SCARF2: variants seen among roughly 807,000 people sequenced by gnomAD.
The protein encoded by SCARF2 is scavenger receptor class F member 2.
In SCARF2, 39 loss-of-function variants were observed where a neutral mutation model predicts 73.4. The ratio of observed to expected loss-of-function variants is 0.53; its 90% CI spans 0.41 to 0.69. The LOEUF is 0.69. SCARF2 is among the 30% of genes least tolerant of loss of function. The pLI, the probability that SCARF2 is intolerant of heterozygous loss-of-function variation, is 0.00. For missense variants in SCARF2, 1,148 were observed against 1,303.5 expected, an observed-to-expected ratio of 0.88 and a Z score of 1.84; for synonymous variants, 605 against 590.0, an observed-to-expected ratio of 1.03 and a Z score of -0.37.
intron 1 of SCARF2, 144 bp from the exon 2 acceptor site, chr22:20,432,132 G>C: frequency 1.2e-6 from 1 of 861,478 alleles, no homozygotes; most frequent in Non-Finnish European, 1.9e-6. Context: ...GGTCCTGCCA[G>C]GCAGTCGTCT....
rs779856038 is a variant in SCARF2, at chr22:20,427,393, CT to C, written c.1693+4del. ...GGAGTGATGCCCAGGTAGGGCCTTA[CT>C]TACCCTCATGGGGTACACAGTACAC... On this transcript the variant is annotated splice_donor_region_variant and intron_variant, in intron 10 of 10. Transcript: ENST00000622235. 4.3e-6 allele frequency: 7 copies of C among 1,614,138 alleles called. No homozygotes were observed. Among genetic ancestry groups the C allele is most frequent in the Non-Finnish European group, 8.5e-7 (1 of 1,180,002 alleles).
At position 20,426,044 on chromosome 22, in the gene SCARF2, C is replaced by G. The variant is rs1390037708; in HGVS notation, c.1932G>C (p.Ser644=). ...TCCTGCGCTCGGGCGATGGCGACAG[C>G]GACAGGCCCCCAATCTCGCCCCGGG... The part of the protein sequence containing the change: ...ARARGEIGGL[S]LSPSPERRKP... The change falls in exon 11 of 11, where the codon TCG becomes TCC. Residue 644 remains serine (S), a synonymous_variant. Transcript: ENST00000622235. 5.8e-5 allele frequency: 92 copies of G among 1,575,258 alleles called. No individual in the cohort carries two copies. Among genetic ancestry groups the G allele is most frequent in the Non-Finnish European group, 7.7e-5 (90 of 1,169,410 alleles).
At chr22:20,426,455 C>T (rs1375782052) in intron 10 of SCARF2, among the ~76,000 whole-genome samples, 173 bp from the exon 11 acceptor site, 2 of 152,266 alleles carry the variant, frequency 1.3e-5, no homozygotes, top group African/African-American at 4.8e-5. Flanking sequence ...ACTTCAGAGC[C>T]TCAGGCTATG....
intron 2 of SCARF2, 40 bp from the exon 3 acceptor site, chr22:20,431,886 C>CGGGG: frequency 7.6e-7 from 1 of 1,312,158 alleles, no homozygotes; most frequent in Non-Finnish European, 1.1e-6. Context: ...GCGTCCTAGC[C>CGGGG]CCGCCCCCTC....
chr22:20,430,746 G>A lies in SCARF2; in HGVS notation c.1017C>T (p.Ala339=), dbSNP rs772033073. The change falls in exon 5 of 11, where the codon GCC becomes GCT. Residue 339 remains alanine, a synonymous_variant. Coordinates refer to ENST00000622235, the MANE Select transcript of SCARF2 (RefSeq NM_182895.5). ...TACACTTGCCGGTGACATGGTTACA[G>A]GCATGCCCGTCGCGGCATGGCGGAC... ...HRCPPCRDGH[A]CNHVTGKCTR... The A allele has an allele frequency of 6.2e-7, 1 of 1,607,956 alleles. No homozygotes were observed. The highest frequency in any genetic ancestry group is 8.5e-7 in the Non-Finnish European group (1 of 1,177,840).
At chr22:20,431,647 G>T (rs1349586931) in intron 3 of SCARF2, 98 bp downstream of exon 3, 2 of 1,538,090 alleles carry the variant, frequency 1.3e-6, no homozygotes, top group Non-Finnish European at 1.8e-6. Context: ...CTGGGGACCC[G>T]CCCCGAAGGC....
chr22:20,434,964 C>A (rs967977841), intron 1 of SCARF2, among the ~76,000 whole-genome samples: 1 of 152,184 alleles, frequency 6.6e-6, no homozygotes, highest in Admixed American at 6.5e-5. Flanking sequence ...TCTCTTGTGT[C>A]CACACTAGCT....
rs550852559 is a variant in SCARF2 at position 20,426,369 on chromosome 22, C to T, written c.1694-87G>A. On this transcript the variant is annotated intron_variant, in intron 10 of 10. Coordinates refer to ENST00000622235, the MANE Select transcript of SCARF2 (RefSeq NM_182895.5). ...CAGGCGCAAACCTTCACCTTTCCTCCTCTACCCACGCCCTTGGCACTGTGT... is the reference window on the plus strand; with the variant it reads ...CAGGCGCAAACCTTCACCTTTCCTCTTCTACCCACGCCCTTGGCACTGTGT... 67 of 1,433,292 alleles carry T rather than the reference C, an allele frequency of 4.7e-5. No individual in the cohort carries two copies. The African/African-American group carries it at 8.0e-4, about 17-fold the overall frequency. 88.8% of individuals were successfully genotyped at this position (1,433,292 alleles called of 1,614,324 possible). A position where few individuals can be genotyped will look rare whatever the true frequency, so the allele number is the denominator to read the frequency against.
intron 9 of SCARF2, among the ~76,000 whole-genome samples, chr22:20,428,498 T>C (rs1423111644): frequency 6.6e-6 from 1 of 152,130 alleles, no homozygotes; most frequent in Non-Finnish European, 1.5e-5. Flanking sequence ...GAGACCGGGT[T>C]TCTCCATGTT....
intron 1 of SCARF2, among the ~76,000 whole-genome samples, chr22:20,434,265 G>A (rs1215599908): frequency 2.0e-5 from 3 of 152,158 alleles, no homozygotes; most frequent in African/African-American, 4.8e-5. Flanking sequence ...CTGCTCTCCA[G>A]CCTGGGCAAC....
In SCARF2 at chr22:20,437,596, C is replaced by T. The variant is rs916708365; in HGVS notation, c.159G>A (p.Val53=). 1 of 1,574,176 alleles carries T rather than the reference C, an allele frequency of 6.4e-7. No individual in the cohort carries two copies. The highest frequency in any genetic ancestry group is 8.6e-7 in the Non-Finnish European group (1 of 1,167,480). ...CCGGCTCCTACCCGGGAGCACGGCA[C>T]ACGTTGCGGCCGCGAGGGTTCAGTT... ...PQELNPRGRN[V]CRAPGSQVPT... The change falls in exon 1 of 11, where the codon GTG becomes GTA. Residue 53 remains valine (V), a synonymous_variant. Coordinates refer to ENST00000622235, the MANE Select transcript of SCARF2 (RefSeq NM_182895.5).
At chr22:20,437,482 C>T in intron 1 of SCARF2, 100 bp downstream of exon 1, 1 of 1,293,690 alleles carries the variant, frequency 7.7e-7, no homozygotes, top group Non-Finnish European at 1.0e-6. Context: ...CCACACTTGG[C>T]GTAGGAAGGT....
At chr22:20,436,699 G>C (rs894117913) in intron 1 of SCARF2, among the ~76,000 whole-genome samples, 1 of 152,230 alleles carries the variant, frequency 6.6e-6, no homozygotes, top group African/African-American at 2.4e-5. Flanking sequence ...TCTCCAATCC[G>C]CGCCAAGGCG....
At chr22:20,431,681 G>GT in intron 3 of SCARF2, 64 bp downstream of exon 3, 3 of 1,517,428 alleles carry the variant, frequency 2.0e-6, no homozygotes, top group Non-Finnish European at 2.7e-6. Flanking sequence ...CCCCACCTTG[G>GT]ACCCCGCCCC....
At chr22:20,435,153 T>C (rs1601305525) in intron 1 of SCARF2, among the ~76,000 whole-genome samples, 1 of 144,376 alleles carries the variant, frequency 6.9e-6, no homozygotes, top group South Asian at 2.1e-4. Context: ...ACCCTGAGTC[T>C]TCCCTGCCTC....
chr22:20,430,182 C>G (rs1282473128), intron 6 of SCARF2, among the ~76,000 whole-genome samples: 1 of 152,180 alleles, frequency 6.6e-6, no homozygotes, highest in Non-Finnish European at 1.5e-5. Context: ...TCTGTACCAA[C>G]TCGGGGTCAC....
chr22:20,429,659 G>C lies in SCARF2; in HGVS notation c.1307-6C>G. The C allele has an allele frequency of 6.2e-7, 1 of 1,613,988 alleles. No homozygotes were observed. The highest frequency in any genetic ancestry group is 1.1e-5 in the South Asian group (1 of 91,086). On this transcript the variant is annotated splice_polypyrimidine_tract_variant and splice_region_variant and intron_variant, in intron 7 of 10. Transcript: ENST00000622235. This position sits in a 1 kb window ranked among gnomAD's most constrained non-coding sequence, Gnocchi z 5.2. ...GCCCTTGCGCTGGTTGGTTTCTGTAGGGGGTTATGGGGTCAGCGCGGTTTC... is the reference window on the plus strand; with the variant it reads ...GCCCTTGCGCTGGTTGGTTTCTGTACGGGGTTATGGGGTCAGCGCGGTTTC...
Position 20,429,845 on chromosome 22 carries a change from T to C in SCARF2, c.1203-12A>G, listed in dbSNP as rs752452819. 1.9e-6 allele frequency: 3 copies of C among 1,611,476 alleles called. No individual in the cohort carries two copies. Among genetic ancestry groups the C allele is most frequent in the East Asian group, 4.5e-5 (2 of 44,818 alleles). ...ACGTCACGTTACAGCTGCCGGGACA[T>C]AGGGTCAAGGCATGCCACAGCCGCC... On this transcript the variant is annotated splice_polypyrimidine_tract_variant and intron_variant, in intron 6 of 10. Transcript: ENST00000622235. The surrounding 1 kb of genome is among the most constrained non-coding windows in gnomAD (Gnocchi z 5.2).
At chr22:20,437,518 G>C in intron 1 of SCARF2, 64 bp downstream of exon 1, 3 of 1,497,360 alleles carry the variant, frequency 2.0e-6, no homozygotes, top group Non-Finnish European at 2.7e-6. Context: ...CCAATGCCCG[G>C]CGCCGCCACA....
Sources: gnomAD v4.1 joint callset for allele counts (sites outside exome capture counted in the v4.1 genomes callset) on GRCh38, gnomAD v4.1.1 for gene constraint, Gnocchi (gnomAD v3.1) non-coding constraint, MANE v1.5 for transcripts, NCBI Gene and HGNC (gene_info 2026-07-23, HGNC 2026-07-21) for gene names.